FRMD4A: variants seen among roughly 807,000 people sequenced by gnomAD.
FRMD4A encodes FERM domain-containing protein 4A.
Under a neutral mutation model 129.1 loss-of-function variants are expected in FRMD4A, and 29 were observed. The observed-to-expected ratio is 0.22, with a 90% CI of 0.17 to 0.31. FRMD4A has a LOEUF of 0.31. Ranked by LOEUF, FRMD4A falls within the 10% of genes least tolerant of loss-of-function variation. FRMD4A has a pLI of 1.00. For synonymous variants in FRMD4A, 634 were observed against 571.6 expected, an observed-to-expected ratio of 1.11 and a Z score of -1.56; for missense variants, 1,272 against 1,375.8, an observed-to-expected ratio of 0.92 and a Z score of 1.19.
chr10:14,264,599 G>A (rs1003679713), intron 2 of FRMD4A, among the ~76,000 whole-genome samples: 6 of 152,044 alleles, frequency 3.9e-5, no homozygotes, highest in East Asian at 3.9e-4. Flanking sequence ...ATGCACGTTC[G>A]ATTTTGTTGT....
At chr10:13,750,109 G>GAAGAAAGAAAGA (rs137911059) in intron 8 of FRMD4A, among the ~76,000 whole-genome samples, 2,217 of 73,534 alleles carry the variant, frequency 0.03, 92 homozygotes, top group East Asian at 0.14. Context: ...AGAAAGAAAT[G>GAAGAAAGAAAGA]AAGAAAGAAA....
chr10:13,876,373 A>T (rs2094489099), intron 2 of FRMD4A, among the ~76,000 whole-genome samples: 1 of 152,250 alleles, frequency 6.6e-6, no homozygotes, highest in African/African-American at 2.4e-5. Context: ...CAAAAATTTT[A>T]GTACAGACTG....
intron 2 of FRMD4A, among the ~76,000 whole-genome samples, chr10:13,987,013 G>A (rs1200482856): frequency 6.6e-6 from 1 of 152,164 alleles, no homozygotes; most frequent in African/African-American, 2.4e-5. Flanking sequence ...AGAGGCTGAT[G>A]TTCTGGCTAT....
Position 13,657,188 on chromosome 10 carries a change from T to G in FRMD4A, c.2401A>C (p.Met801Leu), listed in dbSNP as rs867135103. The change falls in exon 22 of 25, where the codon ATG becomes CTG. Residue 801 changes from methionine (M) to leucine (L), a missense_variant. Physicochemically the swap from Met to Leu is conservative, Grantham distance 15. Around this residue, in one of 2 missense-constraint regions of FRMD4A, gnomAD observed 972 missense variants for 892.3 expected, o/e 1.09. Transcript: ENST00000357447. The part of the protein sequence containing the change: ...GALGSASSGS[M>L]PNLAARGGAG... ...CCCCCGCGCGCCGCCAGGTTGGGCATGCTGCCCGAGCTGGCTGAGCCCAGT... is the reference window on the plus strand; with the variant it reads ...CCCCCGCGCGCCGCCAGGTTGGGCAGGCTGCCCGAGCTGGCTGAGCCCAGT... 6.7e-7 allele frequency: 1 copy of G among 1,500,308 alleles called. No homozygotes were observed. The highest frequency in any genetic ancestry group is 2.3e-4 in the Middle Eastern group (1 of 4,416). The allele number at this position is 1,500,308 out of a possible 1,614,324, so 92.9% of individuals were successfully genotyped here. A position where few individuals can be genotyped will look rare whatever the true frequency, so the allele number is the denominator to read the frequency against.
At chr10:13,901,429 G>A (rs1161721552) in intron 2 of FRMD4A, among the ~76,000 whole-genome samples, 2 of 152,004 alleles carry the variant, frequency 1.3e-5, no homozygotes, top group Non-Finnish European at 2.9e-5. Flanking sequence ...TGGCCAACAT[G>A]GTGAAACCTG....
intron 2 of FRMD4A, among the ~76,000 whole-genome samples, chr10:14,013,136 C>T (rs1565183876): frequency 6.6e-6 from 1 of 152,282 alleles, no homozygotes; most frequent in East Asian, 1.9e-4. Context: ...TGTTCCTTAT[C>T]ATTCTTTCCT....
At chr10:14,016,308 G>C (rs1032317392) in intron 2 of FRMD4A, among the ~76,000 whole-genome samples, 5 of 152,264 alleles carry the variant, frequency 3.3e-5, no homozygotes, top group Non-Finnish European at 5.9e-5. Flanking sequence ...ATCAGTCATA[G>C]AGAATGTCAA....
At chr10:13,975,776 C>T (rs1214498221) in intron 2 of FRMD4A, among the ~76,000 whole-genome samples, 2 of 152,146 alleles carry the variant, frequency 1.3e-5, no homozygotes, top group Non-Finnish European at 2.9e-5. Context: ...TGTGTACACA[C>T]CTTCATCTTA....
intron 3 of FRMD4A, among the ~76,000 whole-genome samples, chr10:13,838,991 CTT>C (rs373871027): frequency 5.2e-5 from 5 of 95,684 alleles, no homozygotes; most frequent in Non-Finnish European, 9.5e-5. Flanking sequence ...GAATAATTTC[CTT>C]TTTTTTTTTT....
chr10:14,143,990 T>C (rs1490927563), intron 2 of FRMD4A, among the ~76,000 whole-genome samples: 1 of 152,152 alleles, frequency 6.6e-6, no homozygotes, highest in African/African-American at 2.4e-5. Flanking sequence ...GTTGAATATA[T>C]GCAACTTTTC....
At chr10:14,238,367 C>T (rs1284847683) in intron 2 of FRMD4A, among the ~76,000 whole-genome samples, 2 of 152,140 alleles carry the variant, frequency 1.3e-5, no homozygotes, top group Admixed American at 6.5e-5. Context: ...GTGTGGCGTT[C>T]GGCCAAGAAA....
intron 9 of FRMD4A, among the ~76,000 whole-genome samples, chr10:13,747,217 G>A (rs1226699036): frequency 6.6e-6 from 1 of 151,608 alleles, no homozygotes; most frequent in African/African-American, 2.4e-5. Flanking sequence ...GAGGTCTCAG[G>A]CACAGTGCTT....
chr10:13,750,108 T>TAAA (rs60950073), intron 8 of FRMD4A, among the ~76,000 whole-genome samples: 2 of 66,726 alleles, frequency 3.0e-5, no homozygotes, highest in African/African-American at 1.4e-4. Context: ...AAGAAAGAAA[T>TAAA]GAAGAAAGAA....
At chr10:14,160,359 A>C (rs1291690222) in intron 2 of FRMD4A, among the ~76,000 whole-genome samples, 1 of 152,198 alleles carries the variant, frequency 6.6e-6, no homozygotes, top group Admixed American at 6.5e-5. Flanking sequence ...CAGGGGAAAC[A>C]ATTCAGGACA....
chr10:13,685,431 T>G, intron 15 of FRMD4A: 1 of 985,048 alleles, frequency 1.0e-6, no homozygotes, highest in Non-Finnish European at 1.2e-6. Context: ...AATACCCAGC[T>G]GAAACTATGG....
At chr10:14,328,181 T>C (rs1379801935) in intron 2 of FRMD4A, among the ~76,000 whole-genome samples, 2 of 152,112 alleles carry the variant, frequency 1.3e-5, no homozygotes, top group Non-Finnish European at 2.9e-5. Context: ...TCAAGAGCTC[T>C]TTCCCCTGGT....
intron 2 of FRMD4A, among the ~76,000 whole-genome samples, chr10:13,902,464 A>AGAGG (rs1368978440): frequency 1.3e-5 from 2 of 148,704 alleles, no homozygotes; most frequent in Non-Finnish European, 3.0e-5. Flanking sequence ...CTGGAGAGAG[A>AGAGG]GAGAGAGAGA....
At chr10:13,682,845 G>A (rs2084734672) in intron 15 of FRMD4A, among the ~76,000 whole-genome samples, 1 of 152,074 alleles carries the variant, frequency 6.6e-6, no homozygotes, top group Non-Finnish European at 1.5e-5. Context: ...GTCATAAGGA[G>A]GCTGAACTGG....
chr10:13,945,611 G>A (rs2095325709), intron 2 of FRMD4A, among the ~76,000 whole-genome samples: 1 of 152,102 alleles, frequency 6.6e-6, no homozygotes, highest in Non-Finnish European at 1.5e-5. Context: ...AATCTACCAG[G>A]CAGGGCTCTG....
Sources: allele counts gnomAD v4.1 joint callset (sites outside exome capture counted in the v4.1 genomes callset), GRCh38; gene constraint gnomAD v4.1.1; regional missense constraint gnomAD v4.1.1; transcripts MANE v1.5; gene names NCBI Gene and HGNC (gene_info 2026-07-23, HGNC 2026-07-21).